The following EXOSC2 variants were observed in gnomAD, a reference collection of about 807,000 sequenced individuals.
The protein encoded by EXOSC2 is exosome complex component RRP4.
Under a neutral mutation model 37.6 loss-of-function variants are expected in EXOSC2, and 29 were observed. The ratio of observed to expected loss-of-function variants is 0.77; its 90% confidence interval spans 0.57 to 1.05. EXOSC2 has a LOEUF of 1.05. Ranked by LOEUF, EXOSC2 falls within the 50% of genes least tolerant of loss-of-function variation. EXOSC2 has a pLI of 0.00. For synonymous variants in EXOSC2, 119 were observed against 131.1 expected, an observed-to-expected ratio of 0.91 and a Z score of 0.63; for missense variants, 346 against 365.6, an observed-to-expected ratio of 0.95 and a Z score of 0.44.
chr9:130,700,329 TTTTATTTA>T lies in EXOSC2; in HGVS notation c.427-502_427-495del, dbSNP rs367666983. 5.1e-3 allele frequency among the ~76,000 whole-genome samples: 719 copies of T among 140,660 alleles called. 4 individuals carry two copies. The highest frequency in any genetic ancestry group is 0.015 in the South Asian group (69 of 4,520). 92.3% of individuals were successfully genotyped at this position (140,660 alleles called of 152,430 possible). On this transcript the variant is annotated intron_variant, in intron 5 of 8. Coordinates refer to ENST00000372358, the MANE Select transcript of EXOSC2 (RefSeq NM_014285.7). ...CCACCATGCCTGGCCTCTGTCTTTA[TTTTATTTA>T]TTTATTTATTTATTTATTTATTTAT...
rs1831270362 is a variant in EXOSC2, at chr9:130,703,774, A to T, written c.882A>T (p.Ter294TyrextTer38). 6.2e-7 allele frequency: 1 copy of T among 1,613,070 alleles called. No individual in the cohort carries two copies. The highest frequency in any genetic ancestry group is 8.5e-7 in the Non-Finnish European group (1 of 1,179,266). The change falls in exon 9 of 9, where the codon TAA (stop) becomes TAT (tyrosine). Residue 294 changes from the stop codon to tyrosine, a stop_lost. Coordinates refer to ENST00000372358, the MANE Select transcript of EXOSC2 (RefSeq NM_014285.7). ...TRQRLLEQEG[*>Y] is the part of the protein sequence containing the mutation. ...AGAGGCTTTTGGAACAGGAGGGATA[A>T]GGAGGTGCTCCAGAAGCACGGGACT...
At position 130,698,017 on chromosome 9, in the gene EXOSC2, C is replaced by A. The variant is rs1327288151; in HGVS notation, c.271-145C>A. 1.4e-6 allele frequency: 1 copy of A among 691,796 alleles called. No homozygotes were observed. The highest frequency in any genetic ancestry group is 2.5e-6 in the Non-Finnish European group (1 of 392,234). The allele number at this position is 691,796 out of a possible 1,614,324, so 42.9% of individuals were successfully genotyped here. On this transcript the variant is annotated intron_variant, in intron 3 of 8. Coordinates refer to ENST00000372358, the MANE Select transcript of EXOSC2 (RefSeq NM_014285.7). The surrounding 1 kb of genome is among the most constrained non-coding windows in gnomAD (Gnocchi z 4.1). Reference sequence around the variant, plus strand: ...TTATATTGGTCAGGCTGGTCTCAAACTCCTGACCTCAAGTGATCCACCAGC... The same window carrying A: ...TTATATTGGTCAGGCTGGTCTCAAAATCCTGACCTCAAGTGATCCACCAGC...
intron 4 of EXOSC2, 37 bp from the exon 5 acceptor site, chr9:130,699,292 T>A (rs1831161191): frequency 2.5e-6 from 4 of 1,606,384 alleles, no homozygotes; most frequent in Non-Finnish European, 2.6e-6. Flanking sequence ...TTTCTGAGGA[T>A]CTGGCTTAAG....
chr9:130,700,999 A>G (rs1322058939), intron 6 of EXOSC2, 64 bp downstream of exon 6: 12 of 1,532,700 alleles, frequency 7.8e-6, no homozygotes, highest in African/African-American at 6.8e-5. Context: ...TTGAATCCCC[A>G]TAGCTCTCTG....
rs1048355298 is a variant in EXOSC2, at chr9:130,700,849, C to G, written c.427-18C>G. The G allele has an allele frequency of 6.2e-7, 1 of 1,613,608 alleles. No homozygotes were observed. Among genetic ancestry groups the G allele is most frequent in the African/African-American group, 1.3e-5 (1 of 74,870 alleles). On this transcript the variant is annotated intron_variant, in intron 5 of 8. Transcript: ENST00000372358. Reference sequence around the variant, plus strand: ...GTGTGGCCAAGGCTGCTGTTTGTTCCTTCATCACCCTGGCCAGGCTGAGGT... The same window carrying G: ...GTGTGGCCAAGGCTGCTGTTTGTTCGTTCATCACCCTGGCCAGGCTGAGGT...
At position 130,704,034 on chromosome 9, in the gene EXOSC2, T is replaced by G. The variant is rs532912873; in HGVS notation, c.*260T>G. ...TTCAGCTCTTTCAAAGTGCACAGTG[T>G]TACAGTCGAATGGGCTCCCATCCTG... On this transcript the variant is annotated 3_prime_UTR_variant, in exon 9 of 9. Coordinates refer to ENST00000372358, the MANE Select transcript of EXOSC2 (RefSeq NM_014285.7). 2.9e-5 allele frequency: 9 copies of G among 310,900 alleles called. No individual in the cohort carries two copies. Among genetic ancestry groups the G allele is most frequent in the Non-Finnish European group, 4.7e-5 (8 of 169,252 alleles). The allele number at this position is 310,900 out of a possible 1,614,324, so 19.3% of individuals were successfully genotyped here.
intron 1 of EXOSC2, 35 bp downstream of exon 1, chr9:130,693,948 G>A: frequency 6.4e-7 from 1 of 1,573,628 alleles, no homozygotes; most frequent in East Asian, 2.3e-5. Context: ...AGGCTTCAGA[G>A]AGCGGCTTCA....
chr9:130,694,356 C>CATTTTGA lies in EXOSC2; in HGVS notation c.122+447_122+448insTGAATTT, dbSNP rs1831045672. Among the ~76,000 whole-genome samples, 1 of 152,046 alleles carries CATTTTGA rather than the reference C, an allele frequency of 6.6e-6. No homozygotes were observed. Among genetic ancestry groups the CATTTTGA allele is most frequent in the Non-Finnish European group, 1.5e-5 (1 of 68,026 alleles). On this transcript the variant is annotated intron_variant, in intron 1 of 8. Coordinates refer to ENST00000372358, the MANE Select transcript of EXOSC2 (RefSeq NM_014285.7). This position sits in a 1 kb window ranked among gnomAD's most constrained non-coding sequence, Gnocchi z 4.0. ...ACAGTTACATTGTGCTGCATGCACC[C>CATTTTGA]ATTTATACACATTTTGAATCTAAGG...
At chr9:130,703,005 T>G in intron 7 of EXOSC2, 48 bp from the exon 8 acceptor site, 2 of 1,584,888 alleles carry the variant, frequency 1.3e-6, no homozygotes, top group South Asian at 2.3e-5. Flanking sequence ...TGGTCACGTA[T>G]TTTGGTCCTG....
At chr9:130,696,485 A>T (rs1256111825) in intron 2 of EXOSC2, among the ~76,000 whole-genome samples, 1 of 152,124 alleles carries the variant, frequency 6.6e-6, no homozygotes, top group Non-Finnish European at 1.5e-5. Context: ...GGGATAGGGC[A>T]AGCTTAGGGA....
At chr9:130,701,067 A>T in intron 6 of EXOSC2, 132 bp downstream of exon 6, 1 of 778,028 alleles carries the variant, frequency 1.3e-6, no homozygotes, top group South Asian at 1.7e-5. Context: ...GCATCCCACA[A>T]ACTGATCGTG....
rs199990285 is a variant in EXOSC2 at position 130,696,643 on chromosome 9, ATTC to A, written c.225-936_225-934del. ...ATCATGAAAAGCTGTTGGGTTTTGT[ATTC>A]TTTGGGCTTTACTGTGCATAGGACC... On this transcript the variant is annotated intron_variant, in intron 2 of 8. Coordinates refer to ENST00000372358, the MANE Select transcript of EXOSC2 (RefSeq NM_014285.7). Among the ~76,000 whole-genome samples the A allele has an allele frequency of 4.3e-3, 659 of 152,282 alleles. 2 individuals carry two copies. The highest frequency in any genetic ancestry group is 0.015 in the African/African-American group (603 of 41,552).
In EXOSC2 at chr9:130,704,000, G is replaced by C. The variant is rs1436096496; in HGVS notation, c.*226G>C. The C allele has an allele frequency of 2.5e-6, 1 of 396,422 alleles. No homozygotes were observed. Among genetic ancestry groups the C allele is most frequent in the Non-Finnish European group, 4.5e-6 (1 of 221,352 alleles). The allele number at this position is 396,422 out of a possible 1,614,324, so 24.6% of individuals were successfully genotyped here. On this transcript the variant is annotated 3_prime_UTR_variant, in exon 9 of 9. Transcript: ENST00000372358. ...GGTTGCCAGCTGAGTCCCGGTATTA[G>C]GGAATAGTTTCAGCTCTTTCAAAGT...
chr9:130,698,013 C>T lies in EXOSC2; in HGVS notation c.271-149C>T. 3 of 675,606 alleles carry T rather than the reference C, an allele frequency of 4.4e-6. No homozygotes were observed. The highest frequency in any genetic ancestry group is 7.8e-6 in the Non-Finnish European group (3 of 383,004). 41.9% of individuals were successfully genotyped at this position (675,606 alleles called of 1,614,324 possible). ...TTCATTATATTGGTCAGGCTGGTCT[C>T]AAACTCCTGACCTCAAGTGATCCAC... On this transcript the variant is annotated intron_variant, in intron 3 of 8. Transcript: ENST00000372358. The surrounding 1 kb of genome is among the most constrained non-coding windows in gnomAD (Gnocchi z 4.1).
In EXOSC2 at chr9:130,698,891, G is replaced by A. The variant is rs1444577946; in HGVS notation, c.361-438G>A. ...AAGGAAATTTCAGTGAGAGAAGCTTGTAGGAAAGACAGGCATTGGAGTTGA... is the reference window on the plus strand; with the variant it reads ...AAGGAAATTTCAGTGAGAGAAGCTTATAGGAAAGACAGGCATTGGAGTTGA... On this transcript the variant is annotated intron_variant, in intron 4 of 8. Coordinates refer to ENST00000372358, the MANE Select transcript of EXOSC2 (RefSeq NM_014285.7). This position sits in a 1 kb window ranked among gnomAD's most constrained non-coding sequence, Gnocchi z 4.1. 2.6e-5 allele frequency among the ~76,000 whole-genome samples: 4 copies of A among 152,202 alleles called. No individual in the cohort carries two copies. The highest frequency in any genetic ancestry group is 5.9e-5 in the Non-Finnish European group (4 of 68,030).
chr9:130,703,644 C>G (rs1260746389), intron 8 of EXOSC2, 50 bp from the exon 9 acceptor site: 2 of 1,423,840 alleles, frequency 1.4e-6, no homozygotes, highest in Non-Finnish European at 1.9e-6. Context: ...GCTTGGTGGT[C>G]TGTTTATGGT....
intron 8 of EXOSC2, 31 bp downstream of exon 8, chr9:130,703,212 C>T (rs1394451482): frequency 1.3e-6 from 2 of 1,592,870 alleles, no homozygotes; most frequent in Non-Finnish European, 1.7e-6. Context: ...CCCTTCTTCA[C>T]TGATCTGTGA....
At chr9:130,702,086 C>A (rs1275713846) in intron 6 of EXOSC2, 48 bp from the exon 7 acceptor site, 2 of 1,590,696 alleles carry the variant, frequency 1.3e-6, no homozygotes, top group South Asian at 2.3e-5. Context: ...CCTTTTCATT[C>A]ATCCCGCCAA....
At chr9:130,699,616 G>C (rs1054699055) in intron 5 of EXOSC2, 1 of 570,504 alleles carries the variant, frequency 1.8e-6, no homozygotes, top group Non-Finnish European at 3.1e-6. Context: ...TTTGGGTCTT[G>C]TAACTTACGG....
Sources: allele counts gnomAD v4.1 joint callset (sites outside exome capture counted in the v4.1 genomes callset), GRCh38; gene constraint gnomAD v4.1.1; non-coding constraint Gnocchi (gnomAD v3.1); transcripts MANE v1.5; gene names NCBI Gene and HGNC (gene_info 2026-07-23, HGNC 2026-07-21).